Variants in GDF10 observed in about 807,000 individuals in gnomAD.
GDF10 encodes the protein growth differentiation factor 10.
A neutral mutation model predicts 32.1 loss-of-function variants in GDF10; 23 were observed. The ratio of observed to expected loss-of-function variants is 0.72; its 90% CI spans 0.52 to 1.02. GDF10 has a LOEUF of 1.02. Among genes scored for constraint, GDF10 ranks in the 50% least tolerant of loss-of-function variants. GDF10 has a pLI of 0.00. For synonymous variants in GDF10, 328 were observed against 303.1 expected (o/e 1.08, Z -0.85); for missense variants, 764 against 673.9 (o/e 1.13, Z -1.48).
At chr10:47,309,445 A>C (rs2061034635) in intron 1 of GDF10, among the ~76,000 whole-genome samples, 1 of 152,248 alleles carries the variant, frequency 6.6e-6, no homozygotes, top group Non-Finnish European at 1.5e-5. Context: ...TCATTTGTGC[A>C]TGCAGAGGCA....
chr10:47,300,876 C>T lies in GDF10; in HGVS notation c.225C>T (p.Val75=), dbSNP rs367726138. ...ATLGPSAQDM[V]AVHMHRLYEK... is the part of the protein sequence containing the mutation. ...TGGGCCCCAGCGCCCAGGACATGGT[C>T]GCTGTCCACATGCACAGGCTCTATG... The change falls in exon 1 of 3, where the codon GTC becomes GTT. Residue 75 remains valine (V), a synonymous_variant. Coordinates refer to ENST00000580279, the MANE Select transcript of GDF10 (RefSeq NM_004962.5). 6.3e-7 allele frequency: 1 copy of T among 1,588,490 alleles called. No individual in the cohort carries two copies. Among genetic ancestry groups the T allele is most frequent in the Non-Finnish European group, 8.5e-7 (1 of 1,175,318 alleles).
rs1057226809 is a variant in GDF10 at position 47,301,896 on chromosome 10, A to G, written c.319+926A>G. 6.6e-5 allele frequency among the ~76,000 whole-genome samples: 10 copies of G among 152,356 alleles called. No homozygotes were observed. In the South Asian group the frequency reaches 2.1e-3, roughly 32 times the overall value. On this transcript the variant is annotated intron_variant, in intron 1 of 2. Transcript: ENST00000580279. ...GGCTCCCCTCCTGAGGGAGAGGGAAACAAGCCTAGCTGTGGAGCTAGACAG... is the reference window on the plus strand; with the variant it reads ...GGCTCCCCTCCTGAGGGAGAGGGAAGCAAGCCTAGCTGTGGAGCTAGACAG...
intron 1 of GDF10, 22 bp downstream of exon 1, chr10:47,300,992 AC>A (rs2061002897): frequency 7.1e-7 from 1 of 1,406,328 alleles, no homozygotes; most frequent in Admixed American, 2.7e-5. Flanking sequence ...GTGCCCCAGG[AC>A]CCCTTCTCCT....
Position 47,313,366 on chromosome 10 carries a change from G to A in GDF10, c.*574G>A, listed in dbSNP as rs1481922541. 1 of 152,226 alleles carries A rather than the reference G, an allele frequency of 6.6e-6. No homozygotes were observed. Among genetic ancestry groups the A allele is most frequent in the Admixed American group, 6.5e-5 (1 of 15,268 alleles). 9.4% of individuals were successfully genotyped at this position (152,226 alleles called of 1,614,324 possible). ...TTATTTTAAAACAACAAAAAGGGAG[G>A]GCGTTGACACCATTCCCCACAGAGA... On this transcript the variant is annotated 3_prime_UTR_variant, in exon 3 of 3. Coordinates refer to ENST00000580279, the MANE Select transcript of GDF10 (RefSeq NM_004962.5).
chr10:47,300,549 T>TC lies in GDF10; in HGVS notation c.-99dup. ...ATCCAGCGCCCTGCTGCCCGGGCTCTCCCCGCGCGCCCTACTGCCGCGAGG... is the reference window on the plus strand; with the variant it reads ...ATCCAGCGCCCTGCTGCCCGGGCTCTCCCCCGCGCGCCCTACTGCCGCGAGG... On this transcript the variant is annotated 5_prime_UTR_variant, in exon 1 of 3. Transcript: ENST00000580279. 1 of 1,092,126 alleles carries TC rather than the reference T, an allele frequency of 9.2e-7. No individual in the cohort carries two copies. The highest frequency in any genetic ancestry group is 1.3e-6 in the Non-Finnish European group (1 of 787,132). The allele number at this position is 1,092,126 out of a possible 1,614,324, so 67.7% of individuals were successfully genotyped here. A position where few individuals can be genotyped will look rare whatever the true frequency, so the allele number is the denominator to read the frequency against.
At position 47,312,887 on chromosome 10, in the gene GDF10, C is replaced by G. The variant is rs1409946922; in HGVS notation, c.*95C>G. 5.2e-6 allele frequency: 4 copies of G among 767,382 alleles called. No individual in the cohort carries two copies. Among genetic ancestry groups the G allele is most frequent in the Non-Finnish European group, 8.2e-6 (4 of 486,122 alleles). 47.5% of individuals were successfully genotyped at this position (767,382 alleles called of 1,614,324 possible). ...TTGTGGTGCAGCTGCAGACACAGAG[C>G]ACAGCTCATGGGCAACATCACTGGG... On this transcript the variant is annotated 3_prime_UTR_variant, in exon 3 of 3. Coordinates refer to ENST00000580279, the MANE Select transcript of GDF10 (RefSeq NM_004962.5).
chr10:47,308,483 T>A lies in GDF10; in HGVS notation c.320-1313T>A, dbSNP rs114587701. Among the ~76,000 whole-genome samples the A allele has an allele frequency of 3.8e-3, 571 of 152,234 alleles. 8 individuals are homozygous for A. Among genetic ancestry groups the A allele is most frequent in the African/African-American group, 0.013 (554 of 41,538 alleles). On this transcript the variant is annotated intron_variant, in intron 1 of 2. Coordinates refer to ENST00000580279, the MANE Select transcript of GDF10 (RefSeq NM_004962.5). ...TCCCGCTCATAGTCCCTTAAGAGTATGTGAACAATCCCAGTTGAATTATGC... is the reference window on the plus strand; with the variant it reads ...TCCCGCTCATAGTCCCTTAAGAGTAAGTGAACAATCCCAGTTGAATTATGC...
chr10:47,303,374 A>C (rs1056226604), intron 1 of GDF10, among the ~76,000 whole-genome samples: 1 of 152,232 alleles, frequency 6.6e-6, no homozygotes, highest in Non-Finnish European at 1.5e-5. Context: ...TCAGCTGCCA[A>C]GTGCTGGCTG....
At position 47,310,115 on chromosome 10, in the gene GDF10, C is replaced by T. The variant is rs1565748502; in HGVS notation, c.639C>T (p.Ala213=). Residue 213 remains alanine, a synonymous_variant, in exon 2 of 3, where the codon GCC becomes GCT. Coordinates refer to ENST00000580279, the MANE Select transcript of GDF10 (RefSeq NM_004962.5). ...ACATCTCCCCCATCGTCAAGGCGGCCCGCCGGGATGGCGAGCTGCTCCTCT... is the reference window on the plus strand; with the variant it reads ...ACATCTCCCCCATCGTCAAGGCGGCTCGCCGGGATGGCGAGCTGCTCCTCT... ...AKDISPIVKA[A]RRDGELLLSA... The T allele has an allele frequency of 3.1e-6, 5 of 1,610,040 alleles. No homozygotes were observed. Among genetic ancestry groups the T allele is most frequent in the Non-Finnish European group, 4.2e-6 (5 of 1,179,174 alleles).
chr10:47,309,406 C>A (rs1555207360), intron 1 of GDF10, among the ~76,000 whole-genome samples: 2 of 152,182 alleles, frequency 1.3e-5, no homozygotes, highest in Admixed American at 1.3e-4. Context: ...CCATCCTGAG[C>A]ACTTAATGAA....
intron 1 of GDF10, among the ~76,000 whole-genome samples, chr10:47,307,342 A>G (rs1341165937): frequency 2.0e-5 from 3 of 152,224 alleles, no homozygotes; most frequent in Admixed American, 6.5e-5. Context: ...GAAAGAAGAG[A>G]GAAAAGACAT....
intron 1 of GDF10, among the ~76,000 whole-genome samples, chr10:47,306,184 G>A (rs1198156951): frequency 2.0e-5 from 3 of 152,214 alleles, no homozygotes; most frequent in Non-Finnish European, 4.4e-5. Flanking sequence ...ACTCAGCATA[G>A]GACCAAGCAC....
Position 47,310,184 on chromosome 10 carries a change from G to C in GDF10, c.708G>C (p.Arg236=). The C allele has an allele frequency of 6.2e-7, 1 of 1,611,730 alleles. No homozygotes were observed. Reference sequence around the variant, plus strand: ...AGGAGAGGGACCCGGGGGTGCCCCGGCCCAGCCCCTATGCGCCCTACATCC... The same window carrying C: ...AGGAGAGGGACCCGGGGGTGCCCCGCCCCAGCCCCTATGCGCCCTACATCC... ...DSEERDPGVP[R]PSPYAPYILV... is the part of the protein sequence containing the mutation. Residue 236 remains arginine, a synonymous_variant, in exon 2 of 3, where the codon CGG becomes CGC. Transcript: ENST00000580279.
Position 47,300,684 on chromosome 10 carries a change from ACCCGGG to A in GDF10, c.37_42del (p.Gly13_Pro14del). 1 of 1,602,988 alleles carries A rather than the reference ACCCGGG, an allele frequency of 6.2e-7. No individual in the cohort carries two copies. The highest frequency in any genetic ancestry group is 8.5e-7 in the Non-Finnish European group (1 of 1,176,648). ...ATGTCCCCGCTCGGACCAGCCCGGGACCCGGGCCCCAGCTGCTGCTGCTGCTGCTGC... is the reference window on the plus strand; with the variant it reads ...ATGTCCCCGCTCGGACCAGCCCGGGACCCCAGCTGCTGCTGCTGCTGCTGC... On this transcript the variant is annotated inframe_deletion, in exon 1 of 3. Coordinates refer to ENST00000580279, the MANE Select transcript of GDF10 (RefSeq NM_004962.5).
At chr10:47,302,384 G>A (rs1339174034) in intron 1 of GDF10, among the ~76,000 whole-genome samples, 1 of 152,206 alleles carries the variant, frequency 6.6e-6, no homozygotes, top group African/African-American at 2.4e-5. Context: ...GCTAAGTATT[G>A]TGTATTCCTG....
intron 1 of GDF10, among the ~76,000 whole-genome samples, chr10:47,309,407 A>T (rs1555207363): frequency 1.3e-5 from 2 of 152,230 alleles, no homozygotes; most frequent in Non-Finnish European, 2.9e-5. Flanking sequence ...CATCCTGAGC[A>T]CTTAATGAAG....
chr10:47,309,862 T>TAAG lies in GDF10; in HGVS notation c.386_387insAAG (p.Leu129_Thr130insSer). 1 of 1,613,050 alleles carries TAAG rather than the reference T, an allele frequency of 6.2e-7. No individual in the cohort carries two copies. Among genetic ancestry groups the TAAG allele is most frequent in the Non-Finnish European group, 8.5e-7 (1 of 1,179,762 alleles). ...TCCATGCAAGACTCGGAAATGATCC[T>TAAG]TACGGCCACTTTCCACTTCTACTCA... On this transcript the variant is annotated inframe_insertion, in exon 2 of 3. Transcript: ENST00000580279.
intron 1 of GDF10, among the ~76,000 whole-genome samples, chr10:47,302,115 C>A (rs2061006879): frequency 6.6e-6 from 1 of 152,224 alleles, no homozygotes; most frequent in Non-Finnish European, 1.5e-5. Context: ...CTTTCTTGCA[C>A]CATGTGGGGT....
At chr10:47,312,348 C>T (rs1309543231) in intron 2 of GDF10, among the ~76,000 whole-genome samples, 7 of 152,228 alleles carry the variant, frequency 4.6e-5, no homozygotes, top group Non-Finnish European at 1.0e-4. Flanking sequence ...CAGCGTGCCT[C>T]AGGGAAGCCA....
Sources: gnomAD v4.1 joint callset for allele counts (sites outside exome capture counted in the v4.1 genomes callset) on GRCh38, gnomAD v4.1.1 for gene constraint, MANE v1.5 for transcripts, NCBI Gene and HGNC (gene_info 2026-07-23, HGNC 2026-07-21) for gene names.